Variants in USH2A observed in about 807,000 individuals in gnomAD.
USH2A encodes usherin.
Under a neutral mutation model 538.9 loss-of-function variants are expected in USH2A, and 443 were observed. The observed-to-expected ratio is 0.82, with a 90% CI of 0.76 to 0.89. The LOEUF (loss-of-function observed/expected upper bound fraction) is 0.89, where lower values mean the gene tolerates loss of function less well. Ranked by LOEUF, USH2A falls within the 40% of genes least tolerant of loss-of-function variation. The probability of loss-of-function intolerance (pLI) is 0.00; values close to 1 mark genes in which losing one functional copy is unlikely to be tolerated. For missense variants in USH2A, 6,633 were observed against 6,324.8 expected (o/e 1.05, Z -1.65); for synonymous variants, 2,413 against 2,273.5 (o/e 1.06, Z -1.75).
At chr1:215,968,376 G>T (rs1667407763) in intron 36 of USH2A, among the ~76,000 whole-genome samples, 1 of 151,496 alleles carries the variant, frequency 6.6e-6, no homozygotes, top group Non-Finnish European at 1.5e-5. Context: ...TTTTGTTTTT[G>T]TTTTTTCCAG....
chr1:215,850,602 T>C (rs1326236332), intron 44 of USH2A, among the ~76,000 whole-genome samples: 1 of 152,066 alleles, frequency 6.6e-6, no homozygotes, highest in African/African-American at 2.4e-5. Context: ...AGCAGGGGAC[T>C]TCAATACTCC....
At chr1:215,773,929 A>G (rs1336376040) in intron 55 of USH2A, among the ~76,000 whole-genome samples, 1 of 152,140 alleles carries the variant, frequency 6.6e-6, no homozygotes, top group Non-Finnish European at 1.5e-5. Context: ...GTACCTTTAA[A>G]TTAGAATTTG....
At chr1:215,737,072 G>A (rs1476239535) in intron 60 of USH2A, among the ~76,000 whole-genome samples, 1 of 151,712 alleles carries the variant, frequency 6.6e-6, no homozygotes, top group Admixed American at 6.6e-5. Context: ...CCATCATCAG[G>A]GTACTGGCTA....
intron 60 of USH2A, among the ~76,000 whole-genome samples, chr1:215,739,767 G>A (rs542034717): frequency 5.9e-5 from 9 of 152,176 alleles, no homozygotes; most frequent in East Asian, 5.8e-4. Flanking sequence ...TTCTCCTTTC[G>A]TAATTTTTTT....
intron 11 of USH2A, among the ~76,000 whole-genome samples, chr1:216,255,057 C>A (rs1211104152): frequency 6.6e-6 from 1 of 152,170 alleles, no homozygotes; most frequent in Admixed American, 6.5e-5. Context: ...TAAAGCAGTA[C>A]AATTACTATC....
At chr1:216,186,763 C>A (rs2034613762) in intron 20 of USH2A, among the ~76,000 whole-genome samples, 2 of 151,778 alleles carry the variant, frequency 1.3e-5, no homozygotes, top group Non-Finnish European at 2.9e-5. Context: ...CCCATCTGTT[C>A]TTTGTTCATC....
At chr1:216,271,354 G>A (rs1005453648) in intron 11 of USH2A, among the ~76,000 whole-genome samples, 26 of 152,174 alleles carry the variant, frequency 1.7e-4, no homozygotes, top group Admixed American at 1.2e-3. Context: ...AATATAAAGC[G>A]GTTTTTCATG....
chr1:216,362,095 T>C (rs1395317535), intron 4 of USH2A, among the ~76,000 whole-genome samples: 1 of 152,126 alleles, frequency 6.6e-6, no homozygotes, highest in Non-Finnish European at 1.5e-5. Flanking sequence ...ATACCTTTTA[T>C]ATTTATGCAC....
intron 47 of USH2A, among the ~76,000 whole-genome samples, chr1:215,818,492 T>C (rs1049975367): frequency 6.6e-6 from 1 of 151,800 alleles, no homozygotes; most frequent in Non-Finnish European, 1.5e-5. Context: ...GTAAGAAATA[T>C]GTTTACATTG....
chr1:216,184,289 G>A (rs1192323950), intron 20 of USH2A, among the ~76,000 whole-genome samples: 3 of 151,946 alleles, frequency 2.0e-5, no homozygotes, highest in East Asian at 1.9e-4. Context: ...ATTTCAGCTC[G>A]CCTCTGCAGC....
rs777633505 is a variant in USH2A, at chr1:216,321,864, T to C, written c.1644+19A>G. 2.2e-5 allele frequency: 36 copies of C among 1,600,918 alleles called. No individual in the cohort carries two copies. Among genetic ancestry groups the C allele is most frequent in the Non-Finnish European group, 2.8e-5 (33 of 1,168,150 alleles). On this transcript the variant is annotated intron_variant, in intron 9 of 71. Transcript: ENST00000307340. ...CTACTATTTTTTTTTTAGATTTCCA[T>C]GCATAAAATAGAACTCACATGAAGT...
intron 21 of USH2A, chr1:216,174,153 T>C (rs577020465): frequency 1.0e-6 from 1 of 984,922 alleles, no homozygotes; most frequent in African/African-American, 1.7e-5. Flanking sequence ...TTTACTATTT[T>C]AAGTAAAAAT....
chr1:215,899,804 AC>A (rs903498491), intron 40 of USH2A, among the ~76,000 whole-genome samples: 7 of 152,128 alleles, frequency 4.6e-5, no homozygotes, highest in Admixed American at 1.3e-4. Flanking sequence ...GCTAAGATGT[AC>A]CCTGAAGGAT....
intron 21 of USH2A, among the ~76,000 whole-genome samples, chr1:216,112,632 G>A (rs936085767): frequency 2.6e-5 from 4 of 151,914 alleles, no homozygotes; most frequent in Non-Finnish European, 5.9e-5. Flanking sequence ...CCCTCAGATA[G>A]ACCCCAGTGT....
At chr1:216,058,496 T>C (rs1471683607) in intron 30 of USH2A, among the ~76,000 whole-genome samples, 1 of 149,114 alleles carries the variant, frequency 6.7e-6, no homozygotes, top group Non-Finnish European at 1.5e-5. Flanking sequence ...ATTATCAGCA[T>C]TGCAGCAGTA....
intron 44 of USH2A, among the ~76,000 whole-genome samples, chr1:215,863,292 G>A (rs75428387): frequency 0.06 from 9,147 of 152,168 alleles, 370 homozygotes; most frequent in Non-Finnish European, 0.089. Flanking sequence ...GGAAGACAAT[G>A]GAAAAGTCAG....
At chr1:216,324,040 C>G in intron 7 of USH2A, 128 bp downstream of exon 7, 1 of 1,037,048 alleles carries the variant, frequency 9.6e-7, no homozygotes, top group Non-Finnish European at 1.4e-6. Context: ...AGGGATAAGA[C>G]TTAGGAGAAT....
intron 47 of USH2A, among the ~76,000 whole-genome samples, chr1:215,836,649 C>T (rs1663541119): frequency 1.5e-5 from 2 of 133,790 alleles, no homozygotes; most frequent in South Asian, 4.8e-4. Context: ...TTCCGCCTCC[C>T]AGGTTCACGC....
At position 215,772,417 on chromosome 1, in the gene USH2A, T is replaced by G. The variant is rs760651938; in HGVS notation, c.10940-5629A>C. 1.4e-4 allele frequency among the ~76,000 whole-genome samples: 21 copies of G among 152,180 alleles called. 1 individual carries two copies. The highest frequency in any genetic ancestry group is 4.4e-5 in the Non-Finnish European group (3 of 68,030). On this transcript the variant is annotated intron_variant, in intron 55 of 71. Transcript: ENST00000307340. ...AAGCCAAGTATTTAACATTTCAGTATAGTGAAGATTACTGTGGCTGCAAAT... is the reference window on the plus strand; with the variant it reads ...AAGCCAAGTATTTAACATTTCAGTAGAGTGAAGATTACTGTGGCTGCAAAT...
Sources: allele counts gnomAD v4.1 joint callset (sites outside exome capture counted in the v4.1 genomes callset), GRCh38; gene constraint gnomAD v4.1.1; transcripts MANE v1.5; gene names NCBI Gene and HGNC (gene_info 2026-07-23, HGNC 2026-07-21).